The following SLCO1A2 variants were observed in gnomAD, a reference collection of about 807,000 sequenced individuals.
SLCO1A2 encodes OATP-1.
A neutral mutation model predicts 69.0 loss-of-function variants in SLCO1A2; 67 were observed. That is an observed-to-expected ratio of 0.97 (90% confidence interval 0.80 to 1.19). The LOEUF (loss-of-function observed/expected upper bound fraction) is 1.19, where lower values mean the gene tolerates loss of function less well. Ranked by LOEUF, SLCO1A2 falls within the 50% of genes most tolerant of loss-of-function variation. SLCO1A2 has a pLI of 0.00. For synonymous variants in SLCO1A2, 260 were observed against 265.9 expected, an observed-to-expected ratio of 0.98 and a Z score of 0.22; for missense variants, 787 against 793.7, an observed-to-expected ratio of 0.99 and a Z score of 0.10.
chr12:21,360,276 C>T (rs574063649), intron 2 of SLCO1A2, among the ~76,000 whole-genome samples: 1 of 152,068 alleles, frequency 6.6e-6, no homozygotes, highest in East Asian at 1.9e-4. Flanking sequence ...CAAAACCAGT[C>T]AAATTATACA....
At chr12:21,316,377 G>C (rs996647228) in intron 3 of SLCO1A2, among the ~76,000 whole-genome samples, 1 of 151,880 alleles carries the variant, frequency 6.6e-6, no homozygotes, top group Non-Finnish European at 1.5e-5. Flanking sequence ...CATAGATTCC[G>C]CTTTTCCCCC....
chr12:21,375,740 GAC>G (rs969113978), intron 1 of SLCO1A2, among the ~76,000 whole-genome samples: 4 of 152,210 alleles, frequency 2.6e-5, no homozygotes, highest in African/African-American at 9.6e-5. Flanking sequence ...ACTCTGGAGA[GAC>G]AATTTAAAAG....
chr12:21,365,894 A>T (rs930653429), intron 2 of SLCO1A2, among the ~76,000 whole-genome samples: 52 of 152,188 alleles, frequency 3.4e-4, no homozygotes, highest in Admixed American at 1.0e-3. Flanking sequence ...AAAAGTCAGG[A>T]AACAACAGGT....
At chr12:21,379,552 T>A (rs549530954) in intron 1 of SLCO1A2, 1 of 152,248 alleles carries the variant, frequency 6.6e-6, no homozygotes, top group Non-Finnish European at 1.5e-5. Context: ...AGGTTATGTA[T>A]ATGATACACT....
intron 2 of SLCO1A2, among the ~76,000 whole-genome samples, chr12:21,353,234 A>G (rs575026706): frequency 8.5e-4 from 130 of 152,320 alleles, no homozygotes; most frequent in African/African-American, 3.0e-3. Flanking sequence ...GAAGTTACTT[A>G]GCAGGAGATC....
intron 8 of SLCO1A2, among the ~76,000 whole-genome samples, chr12:21,298,067 T>C (rs1322843610): frequency 6.6e-6 from 1 of 152,176 alleles, no homozygotes; most frequent in Non-Finnish European, 1.5e-5. Flanking sequence ...ATTAATGAGA[T>C]ATGAATGTTC....
At chr12:21,299,257 C>G (rs1565481728) in intron 8 of SLCO1A2, among the ~76,000 whole-genome samples, 3 of 152,084 alleles carry the variant, frequency 2.0e-5, no homozygotes, top group Admixed American at 6.6e-5. Flanking sequence ...CAATGTGCAG[C>G]CAAGTTTGAG....
intron 2 of SLCO1A2, among the ~76,000 whole-genome samples, chr12:21,328,090 C>T (rs1952373746): frequency 3.3e-5 from 5 of 152,186 alleles, no homozygotes; most frequent in Admixed American, 3.3e-4. Flanking sequence ...TTCCCCTGCA[C>T]ATGCTCTCTT....
intron 1 of SLCO1A2, among the ~76,000 whole-genome samples, chr12:21,404,064 T>C (rs1941782775): frequency 6.6e-6 from 1 of 152,188 alleles, no homozygotes; most frequent in Non-Finnish European, 1.5e-5. Flanking sequence ...GCCACTGACA[T>C]TTTTGAACAG....
intron 14 of SLCO1A2, among the ~76,000 whole-genome samples, chr12:21,270,421 T>C (rs918146391): frequency 6.6e-6 from 1 of 151,738 alleles, no homozygotes; most frequent in East Asian, 1.9e-4. Context: ...TGTAGAATTT[T>C]TGCATGTATA....
intron 1 of SLCO1A2, among the ~76,000 whole-genome samples, chr12:21,415,416 G>A (rs954433967): frequency 1.3e-5 from 2 of 151,868 alleles, no homozygotes; most frequent in Non-Finnish European, 2.9e-5. Flanking sequence ...ATATTTCCTG[G>A]ATTTTTCTTC....
At chr12:21,319,239 A>G (rs771318683) in intron 2 of SLCO1A2, 39 of 880,998 alleles carry the variant, frequency 4.4e-5, no homozygotes, top group Admixed American at 2.8e-4. Flanking sequence ...CAGAGCTACA[A>G]TGATATCTAA....
At chr12:21,289,184 C>CTGTGTGTGTGTGTGTGTG (rs10636619) in intron 12 of SLCO1A2, among the ~76,000 whole-genome samples, 5 of 136,916 alleles carry the variant, frequency 3.7e-5, no homozygotes, top group South Asian at 2.5e-4. Flanking sequence ...TGGTACCATT[C>CTGTGTGTGTGTGTGTGTG]TGTGTGTGTG....
In SLCO1A2 at chr12:21,269,562, T is replaced by G; in HGVS notation, c.1999A>C (p.Lys667Gln). 1 of 1,610,120 alleles carries G rather than the reference T, an allele frequency of 6.2e-7. No individual in the cohort carries two copies. Among genetic ancestry groups the G allele is most frequent in the Non-Finnish European group, 8.5e-7 (1 of 1,177,440 alleles). The change falls in exon 15 of 15, where the codon AAA (lysine) becomes CAA (glutamine). Residue 667 changes from lysine to glutamine, a missense_variant. Transcript: ENST00000683939. ...KSTVLKDDELKTKL is the reference protein window; with the variant it reads ...KSTVLKDDELQTKL ...TAATAGGACAATTACAATTTAGTTT[T>G]CAATTCATCATCTTTCAAAACCGTG...
upstream of SLCO1A2, among the ~76,000 whole-genome samples, chr12:21,337,514 G>A (rs1952932803): frequency 6.6e-6 from 1 of 151,142 alleles, no homozygotes; most frequent in Non-Finnish European, 1.5e-5. Context: ...AGACTTAGGA[G>A]ATCATCCTTT....
chr12:21,381,171 T>G (rs1940564274), intron 1 of SLCO1A2, among the ~76,000 whole-genome samples: 1 of 151,990 alleles, frequency 6.6e-6, no homozygotes, highest in Non-Finnish European at 1.5e-5. Context: ...AAATGGGATG[T>G]AATTAAACTA....
chr12:21,342,811 G>A (rs7138451), intron 2 of SLCO1A2, among the ~76,000 whole-genome samples: 145,211 of 152,142 alleles, frequency 0.95, 69,557 homozygotes, highest in East Asian at 1. Context: ...TAACATCTTT[G>A]GTGATTACTG....
At chr12:21,391,970 C>A (rs1272176267) in intron 1 of SLCO1A2, among the ~76,000 whole-genome samples, 1 of 152,170 alleles carries the variant, frequency 6.6e-6, no homozygotes, top group Non-Finnish European at 1.5e-5. Context: ...TTGAACAAAG[C>A]TGCTCTATCT....
At chr12:21,399,840 T>G (rs11046015), upstream of SLCO1A2, among the ~76,000 whole-genome samples, 21,597 of 141,066 alleles carry the variant, frequency 0.15, 1,649 homozygotes, top group East Asian at 0.36. Flanking sequence ...AAGCTGAAAC[T>G]GGATCCCTTC....
Sources: gnomAD v4.1 joint callset for allele counts (sites outside exome capture counted in the v4.1 genomes callset) on GRCh38, gnomAD v4.1.1 for gene constraint, MANE v1.5 for transcripts, NCBI Gene and HGNC (gene_info 2026-07-23, HGNC 2026-07-21) for gene names.